The following CHODL variants were observed in gnomAD, a reference collection of about 807,000 sequenced individuals.
CHODL encodes transmembrane protein MT75.
In CHODL, 29 loss-of-function variants were observed where a neutral mutation model predicts 34.5. That is an observed-to-expected ratio of 0.84 (90% CI 0.63 to 1.15). The LOEUF is 1.15. Among genes scored for constraint, CHODL ranks in the 50% most tolerant of loss-of-function variants. The pLI, the probability that CHODL is intolerant of heterozygous loss-of-function variation, is 0.00. For synonymous variants in CHODL, 125 were observed against 116.1 expected, an observed-to-expected ratio of 1.08 and a Z score of -0.49; for missense variants, 332 against 332.5, an observed-to-expected ratio of 1.00 and a Z score of 0.01.
At chr21:17,919,502 AG>A (rs1485150948) in intron 1 of CHODL, among the ~76,000 whole-genome samples, 10 of 152,190 alleles carry the variant, frequency 6.6e-5, no homozygotes, top group Admixed American at 5.9e-4. Flanking sequence ...GCTGGGACAC[AG>A]GGCACCAAGT....
chr21:18,169,350 A>G (rs2073198285), intron 2 of CHODL, among the ~76,000 whole-genome samples: 2 of 151,866 alleles, frequency 1.3e-5, no homozygotes, highest in South Asian at 2.1e-4. Context: ...GTAACTAGTA[A>G]TGTTCCGTCT....
chr21:18,169,161 TA>T (rs2073195072), intron 2 of CHODL, among the ~76,000 whole-genome samples: 1 of 152,128 alleles, frequency 6.6e-6, no homozygotes, highest in African/African-American at 2.4e-5. Flanking sequence ...CTTTTCTTTG[TA>T]AAAAATTTTT....
At chr21:18,046,408 C>T (rs527727506) in intron 2 of CHODL, among the ~76,000 whole-genome samples, 7 of 151,988 alleles carry the variant, frequency 4.6e-5, no homozygotes, top group African/African-American at 7.2e-5. Flanking sequence ...GGCACACACC[C>T]GCCTTGTTGT....
chr21:18,196,262 T>C (rs2073586800), intron 2 of CHODL, among the ~76,000 whole-genome samples: 1 of 152,216 alleles, frequency 6.6e-6, no homozygotes, highest in Admixed American at 6.5e-5. Context: ...ACATGGTATG[T>C]TATACACTAT....
intron 2 of CHODL, among the ~76,000 whole-genome samples, chr21:18,118,864 T>C (rs1175214365): frequency 6.6e-6 from 1 of 152,194 alleles, no homozygotes; most frequent in East Asian, 1.9e-4. Flanking sequence ...GTTTGTTTTT[T>C]ACAGTTTTCA....
At chr21:17,933,506 A>G (rs952343351) in intron 1 of CHODL, among the ~76,000 whole-genome samples, 4 of 152,236 alleles carry the variant, frequency 2.6e-5, no homozygotes, top group Admixed American at 2.6e-4. Context: ...CCCTTAATCC[A>G]TTTAACCCTG....
intron 1 of CHODL, among the ~76,000 whole-genome samples, chr21:17,920,799 C>T (rs1488456379): frequency 6.6e-6 from 1 of 152,002 alleles, no homozygotes; most frequent in African/African-American, 2.4e-5. Flanking sequence ...GTCAGAGGCC[C>T]CACTGAAGAC....
chr21:18,014,868 T>A (rs1000425217), intron 1 of CHODL, among the ~76,000 whole-genome samples: 1 of 152,192 alleles, frequency 6.6e-6, no homozygotes, highest in African/African-American at 2.4e-5. Context: ...AGGTATTTCT[T>A]TATAACAGTG....
At chr21:18,153,760 A>G (rs2072999674) in intron 2 of CHODL, among the ~76,000 whole-genome samples, 1 of 152,084 alleles carries the variant, frequency 6.6e-6, no homozygotes, top group South Asian at 2.1e-4. Context: ...ATATATATAT[A>G]CATATATATT....
chr21:17,989,800 A>G (rs866450739), intron 1 of CHODL, among the ~76,000 whole-genome samples: 1 of 152,182 alleles, frequency 6.6e-6, no homozygotes, highest in Non-Finnish European at 1.5e-5. Context: ...GGTACTACGG[A>G]CTAAACAGTA....
intron 1 of CHODL, among the ~76,000 whole-genome samples, chr21:17,934,364 T>C (rs1763506179): frequency 6.6e-6 from 1 of 152,138 alleles, no homozygotes; most frequent in African/African-American, 2.4e-5. Flanking sequence ...TTTCACCACT[T>C]AACACAATTT....
At chr21:18,121,303 C>T (rs914931419) in intron 2 of CHODL, among the ~76,000 whole-genome samples, 10 of 152,206 alleles carry the variant, frequency 6.6e-5, no homozygotes, top group South Asian at 4.1e-4. Context: ...AAGAAAATCA[C>T]GAAACAACCT....
At chr21:18,233,646 G>T (rs1247479127) in intron 2 of CHODL, among the ~76,000 whole-genome samples, 1 of 151,926 alleles carries the variant, frequency 6.6e-6, no homozygotes, top group East Asian at 1.9e-4. Context: ...CTTTCATTTT[G>T]CTAAAACACC....
intron 2 of CHODL, among the ~76,000 whole-genome samples, chr21:18,172,215 T>A (rs1489178688): frequency 2.0e-5 from 3 of 152,142 alleles, no homozygotes; most frequent in Admixed American, 1.3e-4. Flanking sequence ...TTTAAGCAGG[T>A]GTTGTGTTAG....
chr21:18,144,144 T>A (rs956314817), intron 2 of CHODL, among the ~76,000 whole-genome samples: 1 of 152,150 alleles, frequency 6.6e-6, no homozygotes, highest in Non-Finnish European at 1.5e-5. Flanking sequence ...TTGATATACA[T>A]GTTTATACAT....
chr21:18,249,031 A>ATATATATAATATTATATATAT (rs2074198251), intron 1 of CHODL, among the ~76,000 whole-genome samples: 1 of 120,238 alleles, frequency 8.3e-6, no homozygotes, highest in African/African-American at 3.4e-5. Context: ...CATAATATTA[A>ATATATATAATATTATATATAT]TATATATAAT....
At chr21:18,188,450 C>A (rs563129819) in intron 2 of CHODL, among the ~76,000 whole-genome samples, 12 of 152,134 alleles carry the variant, frequency 7.9e-5, no homozygotes, top group African/African-American at 2.7e-4. Flanking sequence ...CACAAGTGAC[C>A]AAATTATATT....
In CHODL at chr21:18,106,343, C is replaced by T. The variant is rs535403033; in HGVS notation, c.-45+78372C>T. Among the ~76,000 whole-genome samples, 41 of 152,142 alleles carry T rather than the reference C, an allele frequency of 2.7e-4. No individual in the cohort carries two copies. In the Middle Eastern group the frequency reaches 0.01, roughly 38 times the overall value. On this transcript the variant is annotated intron_variant, in intron 2 of 6. Transcript: ENST00000400127. ...CTGTGAAAACCTAAAATGTACTGAC[C>T]GAGGCTGTGAGTCCTACCCTTCCTT...
intron 1 of CHODL, among the ~76,000 whole-genome samples, chr21:17,951,358 G>GA (rs2063455998): frequency 6.6e-6 from 1 of 152,180 alleles, no homozygotes; most frequent in Non-Finnish European, 1.5e-5. Flanking sequence ...TAATCACTTT[G>GA]AATATAAGGC....
Sources: allele counts gnomAD v4.1 joint callset (sites outside exome capture counted in the v4.1 genomes callset), GRCh38; gene constraint gnomAD v4.1.1; transcripts MANE v1.5; gene names NCBI Gene and HGNC (gene_info 2026-07-23, HGNC 2026-07-21).